Variants in DPYD observed in about 807,000 individuals in gnomAD.
The protein encoded by DPYD is dihydropyrimidine dehydrogenase [NADP(+)].
In DPYD, 109 loss-of-function variants were observed where a neutral mutation model predicts 116.2. The observed-to-expected ratio is 0.94, with a 90% CI of 0.80 to 1.10. The LOEUF (loss-of-function observed/expected upper bound fraction) is 1.10, where lower values mean the gene tolerates loss of function less well. Ranked by LOEUF, DPYD falls within the 50% of genes least tolerant of loss-of-function variation. The pLI is 0.00. For missense variants in DPYD, 1,302 were observed against 1,254.5 expected (o/e 1.04, Z -0.57); for synonymous variants, 440 against 432.0 (o/e 1.02, Z -0.23).
At chr1:97,755,676 T>C (rs747771656) in intron 3 of DPYD, among the ~76,000 whole-genome samples, 3 of 152,172 alleles carry the variant, frequency 2.0e-5, no homozygotes, top group Non-Finnish European at 2.9e-5. Context: ...AAAGGCAGTA[T>C]GGTTTAATGG....
At chr1:97,774,865 G>A in intron 3 of DPYD, 1 of 206,364 alleles carries the variant, frequency 4.8e-6, no homozygotes, top group African/African-American at 2.3e-5. Context: ...ACATTTTAAA[G>A]AACATCTTTG....
chr1:97,143,307 A>G (rs1262902029), intron 20 of DPYD, among the ~76,000 whole-genome samples: 1 of 152,122 alleles, frequency 6.6e-6, no homozygotes, highest in Non-Finnish European at 1.5e-5. Context: ...GCATCTTGAC[A>G]TCTGCTTTAG....
intron 16 of DPYD, among the ~76,000 whole-genome samples, chr1:97,370,681 G>T (rs1671271120): frequency 6.6e-6 from 1 of 152,080 alleles, no homozygotes; most frequent in Admixed American, 6.6e-5. Flanking sequence ...ACAGTAGCCT[G>T]CTATTTTTAA....
chr1:97,520,157 G>A (rs1474214286), intron 12 of DPYD, among the ~76,000 whole-genome samples: 2 of 151,866 alleles, frequency 1.3e-5, no homozygotes, highest in East Asian at 3.9e-4. Flanking sequence ...TACTTATTCA[G>A]CAGGTATTTG....
intron 10 of DPYD, among the ~76,000 whole-genome samples, chr1:97,581,483 T>C (rs1357537898): frequency 3.9e-5 from 6 of 151,956 alleles, no homozygotes. Flanking sequence ...AGCTCAGGCC[T>C]ATAATCTCAG....
intron 20 of DPYD, among the ~76,000 whole-genome samples, chr1:97,104,224 AAATG>A (rs1338211084): frequency 2.0e-5 from 3 of 152,168 alleles, no homozygotes; most frequent in East Asian, 1.9e-4. Context: ...ATGAATGAAT[AAATG>A]AATGAATGAA....
chr1:97,398,414 C>T (rs2101626366), intron 14 of DPYD, among the ~76,000 whole-genome samples: 1 of 152,224 alleles, frequency 6.6e-6, no homozygotes, highest in South Asian at 2.1e-4. Context: ...CATATGTGTG[C>T]ATGTGTCTTT....
At chr1:97,853,308 CTG>C (rs762012622) in intron 2 of DPYD, among the ~76,000 whole-genome samples, 23 of 152,294 alleles carry the variant, frequency 1.5e-4, no homozygotes, top group South Asian at 2.1e-4. Context: ...AACTTCTATG[CTG>C]TTAGTTCAGT....
At chr1:97,589,913 T>C (rs1465944252) in intron 10 of DPYD, among the ~76,000 whole-genome samples, 1 of 152,204 alleles carries the variant, frequency 6.6e-6, no homozygotes, top group Non-Finnish European at 1.5e-5. Flanking sequence ...CTGAAGTTTT[T>C]ACTAGGGGAG....
chr1:97,535,889 T>C (rs1018423013), intron 12 of DPYD, among the ~76,000 whole-genome samples: 8 of 152,122 alleles, frequency 5.3e-5, no homozygotes, highest in African/African-American at 1.9e-4. Flanking sequence ...AGAAAAAGTG[T>C]CAAGTATCTG....
intron 8 of DPYD, among the ~76,000 whole-genome samples, chr1:97,654,284 A>C (rs1374215379): frequency 6.6e-6 from 1 of 152,162 alleles, no homozygotes; most frequent in Non-Finnish European, 1.5e-5. Flanking sequence ...AGTAAAATGA[A>C]ATTATTAGAA....
chr1:97,809,453 C>T (rs960426641), intron 3 of DPYD, among the ~76,000 whole-genome samples: 12 of 152,192 alleles, frequency 7.9e-5, no homozygotes, highest in African/African-American at 2.9e-4. Flanking sequence ...GTGGCTTGGA[C>T]TGAAGTGGTA....
intron 8 of DPYD, among the ~76,000 whole-genome samples, chr1:97,601,712 G>A (rs1023666164): frequency 2.0e-5 from 3 of 151,938 alleles, no homozygotes; most frequent in African/African-American, 7.2e-5. Flanking sequence ...ATATATTGAT[G>A]AGAAAGAGAA....
chr1:97,618,598 C>T (rs1022252626), intron 8 of DPYD, among the ~76,000 whole-genome samples: 4 of 152,044 alleles, frequency 2.6e-5, no homozygotes, highest in Admixed American at 6.6e-5. Flanking sequence ...AGTGTGTGGG[C>T]TTATCTCATT....
intron 20 of DPYD, among the ~76,000 whole-genome samples, chr1:97,170,682 T>TC (rs1390044255): frequency 2.7e-5 from 4 of 150,934 alleles, no homozygotes; most frequent in African/African-American, 9.7e-5. Flanking sequence ...TCCATTTCTT[T>TC]TTTTTTTTTT....
chr1:97,243,391 C>G (rs1306199397), intron 18 of DPYD, among the ~76,000 whole-genome samples: 2 of 151,876 alleles, frequency 1.3e-5, no homozygotes, highest in African/African-American at 4.8e-5. Flanking sequence ...GGTCACATTA[C>G]TATGAAATAG....
At chr1:97,147,641 T>C (rs1654721745) in intron 20 of DPYD, among the ~76,000 whole-genome samples, 1 of 152,184 alleles carries the variant, frequency 6.6e-6, no homozygotes, top group South Asian at 2.1e-4. Context: ...AAGATAAGAC[T>C]ATCCAAAATG....
At chr1:97,554,641 G>T (rs1322243932) in intron 11 of DPYD, among the ~76,000 whole-genome samples, 1 of 152,124 alleles carries the variant, frequency 6.6e-6, no homozygotes, top group Non-Finnish European at 1.5e-5. Flanking sequence ...ACAAGGCCAG[G>T]ATATCAGAGT....
chr1:97,522,668 A>G (rs1001998810), intron 12 of DPYD, among the ~76,000 whole-genome samples: 1 of 151,818 alleles, frequency 6.6e-6, no homozygotes. Flanking sequence ...GCATTGTGCC[A>G]AGATCACGCC....
Sources: allele counts gnomAD v4.1 joint callset (sites outside exome capture counted in the v4.1 genomes callset), GRCh38; gene constraint gnomAD v4.1.1; transcripts MANE v1.5; gene names NCBI Gene and HGNC (gene_info 2026-07-23, HGNC 2026-07-21).